The following CIDEC variants were observed in gnomAD, a reference collection of about 807,000 sequenced individuals.
CIDEC encodes the protein lipid transferase CIDEC.
Under a neutral mutation model 21.9 loss-of-function variants are expected in CIDEC, and 11 were observed. The observed-to-expected ratio is 0.50, with a 90% CI of 0.32 to 0.83. The LOEUF (loss-of-function observed/expected upper bound fraction) is 0.83, where lower values mean the gene tolerates loss of function less well. Ranked by LOEUF, CIDEC falls within the 40% of genes least tolerant of loss-of-function variation. The pLI, the probability that CIDEC is intolerant of heterozygous loss-of-function variation, is 0.04. For missense variants in CIDEC, 302 were observed against 302.3 expected (o/e 1.00, Z 0.01); for synonymous variants, 127 against 124.9 (o/e 1.02, Z -0.11).
At position 9,869,975 on chromosome 3, in the gene CIDEC, T is replaced by A. The variant is rs1227281296; in HGVS notation, c.461A>T (p.Asp154Val). The A allele has an allele frequency of 6.2e-7, 1 of 1,614,144 alleles. No individual in the cohort carries two copies. Among genetic ancestry groups the A allele is most frequent in the East Asian group, 2.2e-5 (1 of 44,874 alleles). ...TFDLYKLNPQ[D>V]FIGCLNVKAT... Reference sequence around the variant, plus strand: ...CTTCACGTTCAGGCAGCCAATGAAGTCCTGTGGGTTCAGCTTGTACAGATC... The same window carrying A: ...CTTCACGTTCAGGCAGCCAATGAAGACCTGTGGGTTCAGCTTGTACAGATC... Residue 154 changes from aspartate to valine, a missense_variant, in exon 6 of 7, where the codon GAC becomes GTC. Asp to Val is a radical substitution (Grantham distance 152, BLOSUM62 -3). Transcript: ENST00000336832.
At chr3:9,868,512 G>T (rs2082303474) in intron 6 of CIDEC, among the ~76,000 whole-genome samples, 1 of 152,132 alleles carries the variant, frequency 6.6e-6, no homozygotes, top group Non-Finnish European at 1.5e-5. Context: ...GGGTAAAATG[G>T]GATTGCACCT....
At chr3:9,871,830 A>G (rs1393578333) in intron 4 of CIDEC, among the ~76,000 whole-genome samples, 2 of 151,176 alleles carry the variant, frequency 1.3e-5, no homozygotes, top group African/African-American at 4.9e-5. Context: ...AGGTTTCTCT[A>G]TGTTGGTCAG....
At chr3:9,878,617 C>G in intron 2 of CIDEC, 106 bp from the exon 3 acceptor site, 1 of 1,244,610 alleles carries the variant, frequency 8.0e-7, no homozygotes, top group African/African-American at 1.5e-5. Flanking sequence ...ACCTTCCTCC[C>G]TATTCTTCTA....
At chr3:9,872,451 A>G (rs2082361578) in intron 4 of CIDEC, among the ~76,000 whole-genome samples, 1 of 152,228 alleles carries the variant, frequency 6.6e-6, no homozygotes, top group African/African-American at 2.4e-5. Flanking sequence ...CTAAAATTAG[A>G]GGCATGAGCC....
rs1421783779 is a variant in CIDEC, at chr3:9,877,159, C to T, written c.114G>A (p.Lys38=). Residue 38 remains lysine (K), a synonymous_variant, in exon 4 of 7, where the codon AAG becomes AAA. Coordinates refer to ENST00000336832, the MANE Select transcript of CIDEC (RefSeq NM_001321142.2). The part of the protein sequence containing the change: ...TQQLLSEPSP[K]APRARPCRVS... ...CGCGGCAGGGCCGGGCCCTGGGGGCCTTGGGGCTGGGCTCCGACAGCAGCT... is the reference window on the plus strand; with the variant it reads ...CGCGGCAGGGCCGGGCCCTGGGGGCTTTGGGGCTGGGCTCCGACAGCAGCT... 1 of 1,551,614 alleles carries T rather than the reference C, an allele frequency of 6.4e-7. No individual in the cohort carries two copies. Among genetic ancestry groups the T allele is most frequent in the East Asian group, 2.4e-5 (1 of 41,028 alleles).
intron 6 of CIDEC, among the ~76,000 whole-genome samples, chr3:9,867,950 T>C (rs115689483): frequency 0.025 from 3,837 of 151,906 alleles, 68 homozygotes; most frequent in Non-Finnish European, 0.04. Flanking sequence ...AAATACATAA[T>C]AAATAAAAAC....
chr3:9,867,479 G>C (rs1417629580), intron 6 of CIDEC, among the ~76,000 whole-genome samples, 183 bp from the exon 7 acceptor site: 1 of 152,134 alleles, frequency 6.6e-6, no homozygotes, highest in Non-Finnish European at 1.5e-5. Flanking sequence ...AACTAGGCAG[G>C]CATAGTGGTG....
intron 6 of CIDEC, 99 bp downstream of exon 6, chr3:9,869,782 GC>G: frequency 8.8e-7 from 1 of 1,132,182 alleles, no homozygotes; most frequent in South Asian, 1.3e-5. Context: ...CAGCACCAAA[GC>G]CAGACCCAGG....
In CIDEC at chr3:9,878,468, A is replaced by G. The variant is rs1318240339; in HGVS notation, c.19T>C (p.Ser7Pro). 1 of 1,613,790 alleles carries G rather than the reference A, an allele frequency of 6.2e-7. No individual in the cohort carries two copies. Among genetic ancestry groups the G allele is most frequent in the African/African-American group, 1.3e-5 (1 of 74,850 alleles). MEYAMK[S>P]LSLLYPKSLS... ...GACTTGGGGTAGAGAAGGCTAAGGGACTTCATGGCGTATTCCATCCTTGTC... is the reference window on the plus strand; with the variant it reads ...GACTTGGGGTAGAGAAGGCTAAGGGGCTTCATGGCGTATTCCATCCTTGTC... Residue 7 changes from serine to proline, a missense_variant, in exon 3 of 7, where the codon TCC becomes CCC. Physicochemically the swap from Ser to Pro is moderately conservative, Grantham distance 74. Transcript: ENST00000336832.
In CIDEC at chr3:9,870,266, A is replaced by G. The variant is rs143400572; in HGVS notation, c.264T>C (p.Asp88=). ...ACTCTTCTGTCTCTACAGTTGTGCCATCTTCCTCCAGCACCAGGAAGAAGG... is the reference window on the plus strand; with the variant it reads ...ACTCTTCTGTCTCTACAGTTGTGCCGTCTTCCTCCAGCACCAGGAAGAAGG... The part of the protein sequence containing the change: ...DKPFFLVLEE[D]GTTVETEEYF... Residue 88 remains aspartate (D), a synonymous_variant, in exon 5 of 7, where the codon GAT becomes GAC. Transcript: ENST00000336832. 562 of 1,614,038 alleles carry G rather than the reference A, an allele frequency of 3.5e-4. 4 individuals are homozygous for G. In the African/African-American group the frequency reaches 7.0e-3, roughly 20 times the overall value.
chr3:9,867,077 A>C lies in CIDEC; in HGVS notation c.*57T>G. 6.3e-7 allele frequency: 1 copy of C among 1,584,336 alleles called. No homozygotes were observed. The highest frequency in any genetic ancestry group is 1.1e-5 in the South Asian group (1 of 90,416). On this transcript the variant is annotated 3_prime_UTR_variant, in exon 7 of 7. Transcript: ENST00000336832. ...GCCAGGCTTGTGGGCACTACCAGTT[A>C]AGCGTGAGGCCCCCAGTCAGTCCTT... is the stretch of plus-strand genomic sequence containing the variant.
chr3:9,868,819 C>T (rs566509186), intron 6 of CIDEC, among the ~76,000 whole-genome samples: 1 of 152,290 alleles, frequency 6.6e-6, no homozygotes, highest in Admixed American at 6.5e-5. Flanking sequence ...ATTTATCTCT[C>T]TTTTTCTTCG....
At chr3:9,875,325 C>T (rs187939431) in intron 4 of CIDEC, among the ~76,000 whole-genome samples, 56 of 143,328 alleles carry the variant, frequency 3.9e-4, no homozygotes, top group Middle Eastern at 3.8e-3. Context: ...TGCAGTGAGC[C>T]GAGATAGCAC....
At chr3:9,872,105 A>C (rs1033271308) in intron 4 of CIDEC, among the ~76,000 whole-genome samples, 2 of 151,792 alleles carry the variant, frequency 1.3e-5, no homozygotes, top group Admixed American at 1.3e-4. Flanking sequence ...GAGGCACAAC[A>C]CCCAGCCATA....
chr3:9,868,156 T>G (rs1272973563), intron 6 of CIDEC, among the ~76,000 whole-genome samples: 4 of 152,250 alleles, frequency 2.6e-5, no homozygotes, highest in Non-Finnish European at 5.9e-5. Context: ...TGCGAGGACC[T>G]GCAATTCCAC....
intron 4 of CIDEC, among the ~76,000 whole-genome samples, chr3:9,874,741 AT>A (rs991160822): frequency 1.4e-4 from 22 of 151,846 alleles, no homozygotes; most frequent in Non-Finnish European, 4.4e-5. Context: ...TCTTTTTAAA[AT>A]TTTTTTTAAA....
intron 1 of CIDEC, 85 bp from the exon 2 acceptor site, chr3:9,879,139 A>G (rs1026025553): frequency 2.2e-5 from 6 of 275,002 alleles, no homozygotes; most frequent in African/African-American, 1.3e-4. Flanking sequence ...TTGAAACATA[A>G]CTAGTGTGAT....
chr3:9,878,668 G>C (rs189509177), intron 2 of CIDEC, 157 bp from the exon 3 acceptor site: 7 of 1,347,570 alleles, frequency 5.2e-6, no homozygotes, highest in South Asian at 1.3e-5. Flanking sequence ...TCTCCTGTCC[G>C]GCCCCATGCA....
intron 4 of CIDEC, among the ~76,000 whole-genome samples, chr3:9,876,715 C>T (rs2082426894): frequency 1.4e-5 from 2 of 143,190 alleles, no homozygotes; most frequent in Non-Finnish European, 3.0e-5. Flanking sequence ...CAAGATCGCG[C>T]CATTGCACTC....
Sources: gnomAD v4.1 joint callset for allele counts (sites outside exome capture counted in the v4.1 genomes callset) on GRCh38, gnomAD v4.1.1 for gene constraint, MANE v1.5 for transcripts, NCBI Gene and HGNC (gene_info 2026-07-23, HGNC 2026-07-21) for gene names.